Variants in SEMA6A observed in about 807,000 individuals in gnomAD.
SEMA6A encodes semaphorin 6A.
In SEMA6A, 25 loss-of-function variants were observed where a neutral mutation model predicts 96.8. That is an observed-to-expected ratio of 0.26 (90% CI 0.19 to 0.36). The LOEUF is 0.36. Ranked by LOEUF, SEMA6A falls within the 10% of genes least tolerant of loss-of-function variation. The probability of loss-of-function intolerance (pLI) is 1.00; values close to 1 mark genes in which losing one functional copy is unlikely to be tolerated. For synonymous variants in SEMA6A, 612 were observed against 518.0 expected (o/e 1.18, Z -2.46); for missense variants, 1,363 against 1,323.1 (o/e 1.03, Z -0.47).
In SEMA6A at chr5:116,446,474, A is replaced by G. The variant is rs1754215496; in HGVS notation, c.*139T>C. 1 of 702,956 alleles carries G rather than the reference A, an allele frequency of 1.4e-6. No individual in the cohort carries two copies. Among genetic ancestry groups the G allele is most frequent in the Non-Finnish European group, 2.2e-6 (1 of 452,466 alleles). The allele number at this position is 702,956 out of a possible 1,614,324, so 43.5% of individuals were successfully genotyped here. On this transcript the variant is annotated 3_prime_UTR_variant, in exon 19 of 19. Coordinates refer to ENST00000343348, the MANE Select transcript of SEMA6A (RefSeq NM_020796.5). ...TTTCGTGAGTACCCCTGTGTCCCAG[A>G]GAGGAGGACCCAGCGTCCTCGGCTC...
rs201248054 is a variant in SEMA6A, at chr5:116,467,641, T to A, written c.1836A>T (p.Ser612=). The change falls in exon 18 of 19, where the codon TCA becomes TCT. Residue 612 remains serine, a synonymous_variant. Coordinates refer to ENST00000343348, the MANE Select transcript of SEMA6A (RefSeq NM_020796.5). ...GMLDWKHLLD[S]PDSTDPLGAV... ...CCCCCAAAGGGTCTGTGCTGTCAGG[T>A]GAGTCAAGCAGATGCTTCCAGTCCA... 3.1e-6 allele frequency: 5 copies of A among 1,613,352 alleles called. No individual in the cohort carries two copies. The highest frequency in any genetic ancestry group is 4.2e-6 in the Non-Finnish European group (5 of 1,179,772).
At chr5:116,459,487 G>C (rs1465847553) in intron 18 of SEMA6A, among the ~76,000 whole-genome samples, 1 of 152,090 alleles carries the variant, frequency 6.6e-6, no homozygotes, top group Non-Finnish European at 1.5e-5. Flanking sequence ...TAAGGTTCCA[G>C]GCTAGGATTT....
chr5:116,489,053 T>TG, intron 7 of SEMA6A, 46 bp from the exon 8 acceptor site: 1 of 1,524,982 alleles, frequency 6.6e-7, no homozygotes, highest in South Asian at 1.2e-5. Context: ...AGCAAGTCAG[T>TG]GGGGGTGGAG....
At chr5:116,541,934 G>C (rs1759985561) in intron 1 of SEMA6A, among the ~76,000 whole-genome samples, 1 of 152,204 alleles carries the variant, frequency 6.6e-6, no homozygotes, top group Non-Finnish European at 1.5e-5. Flanking sequence ...AGTTCTTTAA[G>C]ATGCTTTATT....
intron 1 of SEMA6A, among the ~76,000 whole-genome samples, chr5:116,519,495 C>T (rs953115587): frequency 1.3e-5 from 2 of 152,182 alleles, no homozygotes; most frequent in African/African-American, 2.4e-5. Flanking sequence ...TTCATTCACT[C>T]ATCGAATTCA....
chr5:116,449,250 C>T, intron 18 of SEMA6A: 2 of 700,510 alleles, frequency 2.9e-6, no homozygotes, highest in Non-Finnish European at 5.2e-6. Context: ...ATTAGAGGCA[C>T]TGCATGGGCT....
intron 1 of SEMA6A, among the ~76,000 whole-genome samples, chr5:116,569,235 A>G (rs1761119205): frequency 1.3e-5 from 2 of 152,210 alleles, no homozygotes; most frequent in Non-Finnish European, 2.9e-5. Flanking sequence ...TTCACTGAGA[A>G]AGTGACATTT....
At chr5:116,538,649 AT>A in intron 1 of SEMA6A, among the ~76,000 whole-genome samples, 1 of 152,290 alleles carries the variant, frequency 6.6e-6, no homozygotes, top group East Asian at 1.9e-4. Context: ...CTCATTATAC[AT>A]TTGTTAGAAT....
intron 10 of SEMA6A, 57 bp downstream of exon 10, chr5:116,486,692 C>G (rs774671466): frequency 1.4e-6 from 2 of 1,440,888 alleles, no homozygotes; most frequent in East Asian, 2.3e-5. Flanking sequence ...AGAGAACCCC[C>G]TGGGAGAAGG....
chr5:116,535,234 A>C (rs1759657046), intron 1 of SEMA6A, among the ~76,000 whole-genome samples: 1 of 152,160 alleles, frequency 6.6e-6, no homozygotes, highest in Non-Finnish European at 1.5e-5. Context: ...CCAGATGGGG[A>C]GGCCAAAGTT....
intron 1 of SEMA6A, among the ~76,000 whole-genome samples, 177 bp downstream of exon 1, chr5:116,574,008 G>C (rs903122049): frequency 2.0e-5 from 3 of 151,782 alleles, no homozygotes; most frequent in Non-Finnish European, 4.4e-5. Context: ...AGGAAAGGCA[G>C]GCAGGGCTCA....
intron 18 of SEMA6A, among the ~76,000 whole-genome samples, chr5:116,452,920 T>A (rs527623603): frequency 1.3e-5 from 2 of 152,330 alleles, no homozygotes; most frequent in Non-Finnish European, 2.9e-5. Flanking sequence ...GAATGAGGCA[T>A]AAACCAGCAG....
At position 116,502,144 on chromosome 5, in the gene SEMA6A, C is replaced by T. The variant is rs1042486300; in HGVS notation, c.218+66G>A. On this transcript the variant is annotated intron_variant, in intron 3 of 18. Transcript: ENST00000343348. ...TCAAGATCTTAAAAATAATGCATAG[C>T]TGGTAAATTTAGGACCTTGGGCTTT... 5 of 1,207,104 alleles carry T rather than the reference C, an allele frequency of 4.1e-6. No homozygotes were observed. In the Admixed American group the frequency reaches 9.0e-5, roughly 22 times the overall value. The allele number at this position is 1,207,104 out of a possible 1,614,324, so 74.8% of individuals were successfully genotyped here.
chr5:116,570,341 G>C (rs1761161777), intron 1 of SEMA6A, among the ~76,000 whole-genome samples: 1 of 144,864 alleles, frequency 6.9e-6, no homozygotes, highest in African/African-American at 2.5e-5. Flanking sequence ...CACCCCAAGA[G>C]AGTGGGGGGG....
chr5:116,444,064 A>G lies in SEMA6A; in HGVS notation c.*2549T>C, dbSNP rs1229394630. On this transcript the variant is annotated 3_prime_UTR_variant, in exon 19 of 19. Transcript: ENST00000343348. Reference sequence around the variant, plus strand: ...TGCACTGCCAGTACTCTCGGGAGTCAAGCATGGGAAAGAAGGGGGCAGGGG... The same window carrying G: ...TGCACTGCCAGTACTCTCGGGAGTCGAGCATGGGAAAGAAGGGGGCAGGGG... 6.6e-6 allele frequency: 1 copy of G among 152,180 alleles called. No homozygotes were observed. The highest frequency in any genetic ancestry group is 2.4e-5 in the African/African-American group (1 of 41,420). The allele number at this position is 152,180 out of a possible 1,614,324, so 9.4% of individuals were successfully genotyped here. A position where few individuals can be genotyped will look rare whatever the true frequency, so the allele number is the denominator to read the frequency against.
At chr5:116,487,156 T>A (rs983326853) in intron 9 of SEMA6A, 190 bp from the exon 10 acceptor site, 1 of 565,028 alleles carries the variant, frequency 1.8e-6, no homozygotes, top group African/African-American at 1.9e-5. Flanking sequence ...TAGCATGTTT[T>A]AAAAGATAAG....
rs376588617 is a variant in SEMA6A at position 116,447,168 on chromosome 5, C to G, written c.2538G>C (p.Gln846His). 2 of 1,613,910 alleles carry G rather than the reference C, an allele frequency of 1.2e-6. No homozygotes were observed. Among genetic ancestry groups the G allele is most frequent in the East Asian group, 2.2e-5 (1 of 44,866 alleles). The change falls in exon 19 of 19, where the codon CAG becomes CAC. Residue 846 changes from glutamine (Q) to histidine (H), a missense_variant. By Grantham distance (24) the Gln-to-His change is conservative. Around this residue, in one of 2 missense-constraint regions of SEMA6A, gnomAD observed 883 missense variants for 763.6 expected, o/e 1.16. Transcript: ENST00000343348. ...SEVAQMALEDQAATLEYKTIK... is the reference protein window; with the variant it reads ...SEVAQMALEDHAATLEYKTIK... ...TGGTCTTATACTCCAGTGTGGCGGC[C>G]TGGTCCTCCAGCGCCATCTGGGCCA...
rs1181564796 is a variant in SEMA6A at position 116,475,623 on chromosome 5, AAGAG to A, written c.1650-24_1650-21del. The A allele has an allele frequency of 1.5e-5, 23 of 1,563,758 alleles. No individual in the cohort carries two copies. The highest frequency in any genetic ancestry group is 1.9e-5 in the Non-Finnish European group (22 of 1,145,912). On this transcript the variant is annotated intron_variant, in intron 15 of 18. Coordinates refer to ENST00000343348, the MANE Select transcript of SEMA6A (RefSeq NM_020796.5). ...GTCAGTCTTTTAAAAAAGGAAGGGAAAGAGAGACAGAAATGAATACAATAACGTG... is the reference window on the plus strand; with the variant it reads ...GTCAGTCTTTTAAAAAAGGAAGGGAAAGACAGAAATGAATACAATAACGTG...
chr5:116,447,329 G>T lies in SEMA6A; in HGVS notation c.2377C>A (p.Pro793Thr). ...GTGGGAATCACAGGGGAGCCCATGGGGGGCATGTCCTTTGTGCAGGCATTG... is the reference window on the plus strand; with the variant it reads ...GTGGGAATCACAGGGGAGCCCATGGTGGGCATGTCCTTTGTGCAGGCATTG... ...LINACTKDMP[P>T]MGSPVIPTDL... The change falls in exon 19 of 19, where the codon CCC (proline) becomes ACC (threonine). Residue 793 changes from proline to threonine, a missense_variant. Transcript: ENST00000343348. 1 of 1,613,850 alleles carries T rather than the reference G, an allele frequency of 6.2e-7. No individual in the cohort carries two copies. Among genetic ancestry groups the T allele is most frequent in the African/African-American group, 1.3e-5 (1 of 75,086 alleles).
Sources: gnomAD v4.1 joint callset for allele counts (sites outside exome capture counted in the v4.1 genomes callset) on GRCh38, gnomAD v4.1.1 for gene constraint, gnomAD v4.1.1 regional missense constraint, MANE v1.5 for transcripts, NCBI Gene and HGNC (gene_info 2026-07-23, HGNC 2026-07-21) for gene names.